Variants in PIK3R3 observed in about 807,000 individuals in gnomAD.
The protein encoded by PIK3R3 is phosphatidylinositol 3-kinase regulatory subunit gamma.
PIK3R3 carries 64 observed loss-of-function variants against 62.9 expected under a neutral mutation model. The observed-to-expected ratio is 1.02, with a 90% CI of 0.83 to 1.25. The LOEUF (loss-of-function observed/expected upper bound fraction) is 1.25, where lower values mean the gene tolerates loss of function less well. Among genes scored for constraint, PIK3R3 ranks in the 50% most tolerant of loss-of-function variants. The pLI is 0.00. For synonymous variants in PIK3R3, 165 were observed against 189.0 expected, an observed-to-expected ratio of 0.87 and a Z score of 1.04; for missense variants, 614 against 561.6, an observed-to-expected ratio of 1.09 and a Z score of -0.94.
intron 3 of PIK3R3, among the ~76,000 whole-genome samples, chr1:46,071,730 T>TAGAGAGAGAGAGAGAG (rs140765040): frequency 6.8e-5 from 4 of 59,062 alleles, no homozygotes; most frequent in African/African-American, 2.4e-4. Context: ...TATATATATA[T>TAGAGAGAGAGAGAGAG]AGAGAGAGAG....
intron 3 of PIK3R3, 30 bp from the exon 4 acceptor site, chr1:46,067,121 TTTTTTCCCCC>T (rs1396756928): frequency 6.7e-7 from 1 of 1,496,722 alleles, no homozygotes; most frequent in Non-Finnish European, 8.9e-7. Flanking sequence ...AACTGTGGAT[TTTTTTCCCCC>T]AAATTCAACT....
At chr1:46,100,797 T>C (rs1358504023) in intron 1 of PIK3R3, among the ~76,000 whole-genome samples, 1 of 152,192 alleles carries the variant, frequency 6.6e-6, no homozygotes, top group Non-Finnish European at 1.5e-5. Context: ...CTTTTCAACA[T>C]AAAAAGTCAT....
intron 3 of PIK3R3, 71 bp from the exon 4 acceptor site, chr1:46,067,162 A>T (rs1649081621): frequency 8.6e-7 from 1 of 1,166,492 alleles, no homozygotes; most frequent in African/African-American, 1.6e-5. Flanking sequence ...TTTCATATGG[A>T]GACGTGAAAG....
Position 46,111,170 on chromosome 1 carries a change from A to G in PIK3R3, c.106+20677T>C, listed in dbSNP as rs1363627683. ...GATACTGGGTGTTATTTCATTACATATATATGTGAATATATATATATGGGC... is the reference window on the plus strand; with the variant it reads ...GATACTGGGTGTTATTTCATTACATGTATATGTGAATATATATATATGGGC... On this transcript the variant is annotated intron_variant, in intron 1 of 9. Coordinates refer to ENST00000262741, the MANE Select transcript of PIK3R3 (RefSeq NM_003629.4). Among the ~76,000 whole-genome samples, 7 of 152,176 alleles carry G rather than the reference A, an allele frequency of 4.6e-5. No individual in the cohort carries two copies. In the East Asian group the frequency reaches 1.3e-3, roughly 29 times the overall value.
intron 7 of PIK3R3, among the ~76,000 whole-genome samples, chr1:46,053,497 G>A (rs1285209381): frequency 6.6e-6 from 1 of 152,086 alleles, no homozygotes; most frequent in African/African-American, 2.4e-5. Context: ...GAGGTGATTA[G>A]GTCATAAAGG....
At chr1:46,095,201 T>C (rs917486927) in intron 1 of PIK3R3, among the ~76,000 whole-genome samples, 3 of 152,128 alleles carry the variant, frequency 2.0e-5, no homozygotes, top group Non-Finnish European at 2.9e-5. Context: ...TGCAGCACTA[T>C]ACACAATAGC....
At chr1:46,066,822 T>A (rs1204285835) in intron 4 of PIK3R3, 89 bp downstream of exon 4, 2 of 1,089,228 alleles carry the variant, frequency 1.8e-6, no homozygotes, top group African/African-American at 3.2e-5. Flanking sequence ...GGCTAGTTTT[T>A]TAAAACTGAT....
chr1:46,064,323 C>G (rs1241737610), intron 5 of PIK3R3, among the ~76,000 whole-genome samples: 1 of 152,014 alleles, frequency 6.6e-6, no homozygotes, highest in Non-Finnish European at 1.5e-5. Flanking sequence ...GGCGGATCAC[C>G]TGAGGTCAGG....
the PIK3R3 span, among the ~76,000 whole-genome samples, chr1:46,160,138 G>A: frequency 6.6e-6 from 1 of 152,102 alleles, no homozygotes; most frequent in Admixed American, 6.6e-5. Context: ...CAGGCATGGG[G>A]ATAATTTATT....
intron 1 of PIK3R3, among the ~76,000 whole-genome samples, chr1:46,095,174 T>C (rs183384357): frequency 9.5e-4 from 144 of 152,334 alleles, no homozygotes; most frequent in African/African-American, 3.2e-3. Context: ...TTAAGATACA[T>C]GCATGTGTAT....
intron 1 of PIK3R3, among the ~76,000 whole-genome samples, chr1:46,087,010 G>GC (rs528042138): frequency 2.0e-5 from 3 of 152,050 alleles, no homozygotes; most frequent in Non-Finnish European, 4.4e-5. Context: ...GCGAACTATC[G>GC]CAAGGACAGA....
At chr1:46,161,130 C>T in the PIK3R3 span, among the ~76,000 whole-genome samples, 2 of 152,114 alleles carry the variant, frequency 1.3e-5, no homozygotes, top group East Asian at 1.9e-4. Flanking sequence ...GTCAGGGTCT[C>T]ACTCTGTCAC....
intron 1 of PIK3R3, among the ~76,000 whole-genome samples, chr1:46,121,554 G>A (rs1654684244): frequency 2.0e-5 from 3 of 152,090 alleles, no homozygotes; most frequent in Non-Finnish European, 4.4e-5. Context: ...CAGCATTTTG[G>A]GAGGCTGCGG....
chr1:46,132,635 C>A, upstream of PIK3R3: 1 of 1,289,748 alleles, frequency 7.8e-7, no homozygotes, highest in Non-Finnish European at 1.0e-6. Context: ...TGCCCGGACT[C>A]CAGCCACTAG....
the PIK3R3 span, among the ~76,000 whole-genome samples, chr1:46,157,701 G>A: frequency 2.0e-5 from 3 of 152,206 alleles, no homozygotes; most frequent in Non-Finnish European, 2.9e-5. Flanking sequence ...GGGACTCCAA[G>A]AGAAATCCCT....
At chr1:46,106,354 C>T (rs1653201488) in intron 1 of PIK3R3, among the ~76,000 whole-genome samples, 1 of 152,098 alleles carries the variant, frequency 6.6e-6, no homozygotes, top group South Asian at 2.1e-4. Flanking sequence ...GATAGACCCA[C>T]CTTGGCCTCC....
At chr1:46,144,172 T>A in the PIK3R3 span, among the ~76,000 whole-genome samples, 1 of 152,118 alleles carries the variant, frequency 6.6e-6, no homozygotes, top group Non-Finnish European at 1.5e-5. Context: ...ACGGAATCAA[T>A]CTCTGGAGGT....
Position 46,044,184 on chromosome 1 carries a change from T to G in PIK3R3, c.1188-313A>C, listed in dbSNP as rs1424273114. 6.6e-6 allele frequency among the ~76,000 whole-genome samples: 1 copy of G among 151,954 alleles called. No homozygotes were observed. Among genetic ancestry groups the G allele is most frequent in the Non-Finnish European group, 1.5e-5 (1 of 67,990 alleles). On this transcript the variant is annotated intron_variant, in intron 9 of 9. Coordinates refer to ENST00000262741, the MANE Select transcript of PIK3R3 (RefSeq NM_003629.4). This position sits in a 1 kb window ranked among gnomAD's most constrained non-coding sequence, Gnocchi z 4.2. The stretch of plus-strand genomic sequence containing the variant: ...TTGAACTCCTGGGCTCAAGTGATCC[T>G]CCCACCACAGCTTCCCAAGTAGCCG...
chr1:46,137,350 G>C (rs929111470), upstream of PIK3R3, among the ~76,000 whole-genome samples: 1 of 152,206 alleles, frequency 6.6e-6, no homozygotes, highest in Non-Finnish European at 1.5e-5. Flanking sequence ...CTATAATCAA[G>C]AATTTGACAA....
Sources: allele counts gnomAD v4.1 joint callset (sites outside exome capture counted in the v4.1 genomes callset), GRCh38; gene constraint gnomAD v4.1.1; non-coding constraint Gnocchi (gnomAD v3.1); transcripts MANE v1.5; gene names NCBI Gene and HGNC (gene_info 2026-07-23, HGNC 2026-07-21).